PDZD2: variants seen among roughly 807,000 people sequenced by gnomAD.
PDZD2 encodes the protein PDZ domain containing 2.
Under a neutral mutation model 220.7 loss-of-function variants are expected in PDZD2, and 90 were observed. The observed-to-expected ratio is 0.41, with a 90% CI of 0.34 to 0.49. PDZD2 has a LOEUF of 0.49. PDZD2 is among the 20% of genes least tolerant of loss of function. The pLI, the probability that PDZD2 is intolerant of heterozygous loss-of-function variation, is 0.28. For missense variants in PDZD2, 3,174 were observed against 3,608.5 expected, an observed-to-expected ratio of 0.88 and a Z score of 3.08; for synonymous variants, 1,375 against 1,450.5, an observed-to-expected ratio of 0.95 and a Z score of 1.18.
intron 2 of PDZD2, among the ~76,000 whole-genome samples, chr5:31,838,553 A>G (rs1176722297): frequency 6.6e-6 from 1 of 152,232 alleles, no homozygotes; most frequent in Non-Finnish European, 1.5e-5. Context: ...AGTCATGTCA[A>G]TTTGCAGGTG....
intron 2 of PDZD2, among the ~76,000 whole-genome samples, chr5:31,969,976 G>A (rs1016812850): frequency 2.0e-5 from 3 of 151,688 alleles, no homozygotes; most frequent in Admixed American, 6.6e-5. Flanking sequence ...TCGGCTCACC[G>A]CAACTTCCGC....
chr5:31,658,008 C>G (rs1745616335), intron 1 of PDZD2, among the ~76,000 whole-genome samples: 2 of 152,210 alleles, frequency 1.3e-5, no homozygotes, highest in South Asian at 2.1e-4. Context: ...CCAACAAATT[C>G]TCTACACAAA....
intron 2 of PDZD2, among the ~76,000 whole-genome samples, chr5:31,890,213 G>C (rs1175371410): frequency 7.1e-6 from 1 of 141,280 alleles, no homozygotes; most frequent in African/African-American, 2.6e-5. Flanking sequence ...CTTAATGGGC[G>C]ATGGCGGTGT....
chr5:31,863,691 C>CT lies in PDZD2; in HGVS notation c.476+63969dup, dbSNP rs1737931502. 3.9e-5 allele frequency among the ~76,000 whole-genome samples: 6 copies of CT among 152,250 alleles called. No homozygotes were observed. The South Asian group carries it at 1.0e-3, about 26-fold the overall frequency. On this transcript the variant is annotated intron_variant, in intron 2 of 24. Coordinates refer to ENST00000438447, the MANE Select transcript of PDZD2 (RefSeq NM_178140.4). ...TTTTGTCTGGTTAGTGGGCTGTTGTCTTAACAGTTTCACTTGTCAGTCCCT... is the reference window on the plus strand; with the variant it reads ...TTTTGTCTGGTTAGTGGGCTGTTGTCTTTAACAGTTTCACTTGTCAGTCCCT...
chr5:31,953,748 A>G (rs1747390837), intron 2 of PDZD2, among the ~76,000 whole-genome samples: 1 of 150,362 alleles, frequency 6.7e-6, no homozygotes, highest in South Asian at 2.1e-4. Flanking sequence ...TCTGCCTCCC[A>G]GGTTGAAGCA....
At chr5:31,942,807 T>C (rs1746321249) in intron 2 of PDZD2, among the ~76,000 whole-genome samples, 1 of 152,196 alleles carries the variant, frequency 6.6e-6, no homozygotes, top group Admixed American at 6.5e-5. Context: ...CTCCCCAAGG[T>C]TGATGTGCTC....
chr5:31,846,490 A>C (rs1394043181), intron 2 of PDZD2, among the ~76,000 whole-genome samples: 2 of 152,194 alleles, frequency 1.3e-5, no homozygotes, highest in Admixed American at 1.3e-4. Context: ...GGAAAGAGAC[A>C]TGGGCATCTG....
At chr5:31,711,513 G>A (rs1335210630) in intron 1 of PDZD2, among the ~76,000 whole-genome samples, 6 of 152,218 alleles carry the variant, frequency 3.9e-5, no homozygotes, top group South Asian at 4.1e-4. Flanking sequence ...AAGCTGGAGC[G>A]TGTGCAAAAG....
At chr5:32,032,809 C>T (rs1380520192) in intron 6 of PDZD2, among the ~76,000 whole-genome samples, 1 of 152,142 alleles carries the variant, frequency 6.6e-6, no homozygotes, top group African/African-American at 2.4e-5. Flanking sequence ...GACTGACGTG[C>T]CTAAACTGCA....
intron 1 of PDZD2, among the ~76,000 whole-genome samples, chr5:31,735,638 A>G (rs1749814743): frequency 6.6e-6 from 1 of 152,008 alleles, no homozygotes; most frequent in Non-Finnish European, 1.5e-5. Flanking sequence ...CATCTCTACT[A>G]AAAATACAAA....
In PDZD2 at chr5:31,995,753, CT is replaced by C. The variant is rs770834345; in HGVS notation, c.1121+36del. 2.3e-5 allele frequency: 37 copies of C among 1,589,100 alleles called. 1 individual carries two copies. In the South Asian group the frequency reaches 4.2e-4, roughly 18 times the overall value. On this transcript the variant is annotated intron_variant, in intron 4 of 24. Transcript: ENST00000438447. ...TAACTCTCCCCTCTCCCCCATCCCTCTGCCTCCTCTCCTTCCCTCTCCCTCC... is the reference window on the plus strand; with the variant it reads ...TAACTCTCCCCTCTCCCCCATCCCTCGCCTCCTCTCCTTCCCTCTCCCTCC...
At chr5:31,886,678 T>TAGATTCTG (rs2150342880) in intron 2 of PDZD2, among the ~76,000 whole-genome samples, 1 of 108,794 alleles carries the variant, frequency 9.2e-6, no homozygotes, top group Admixed American at 9.4e-5. Context: ...CTGCATCAGG[T>TAGATTCTG]AGATTCTGCA....
intron 1 of PDZD2, among the ~76,000 whole-genome samples, chr5:31,734,462 G>T (rs1476858887): frequency 2.0e-5 from 3 of 152,074 alleles, no homozygotes; most frequent in Non-Finnish European, 4.4e-5. Context: ...TGGGATTACG[G>T]GCACCCGCCA....
At chr5:32,032,222 C>T (rs1291785418) in intron 6 of PDZD2, among the ~76,000 whole-genome samples, 1 of 152,152 alleles carries the variant, frequency 6.6e-6, no homozygotes, top group Non-Finnish European at 1.5e-5. Context: ...GTTCTGTTGG[C>T]CCAGGGCAGT....
At chr5:31,789,291 C>G (rs928020241) in intron 1 of PDZD2, among the ~76,000 whole-genome samples, 2 of 152,210 alleles carry the variant, frequency 1.3e-5, no homozygotes, top group Non-Finnish European at 2.9e-5. Context: ...ATGTCCACTC[C>G]TCTCTGAAGG....
intron 4 of PDZD2, among the ~76,000 whole-genome samples, chr5:31,997,525 T>G (rs1216529178): frequency 6.6e-6 from 1 of 152,210 alleles, no homozygotes; most frequent in Non-Finnish European, 1.5e-5. Flanking sequence ...ACTTCCAAAA[T>G]GACATATGTT....
intron 2 of PDZD2, among the ~76,000 whole-genome samples, chr5:31,967,991 C>T (rs12109866): frequency 0.51 from 78,195 of 151,986 alleles, 20,788 homozygotes; most frequent in Middle Eastern, 0.61. Context: ...TATTAGCATA[C>T]ACAACTGCTA....
intron 1 of PDZD2, among the ~76,000 whole-genome samples, chr5:31,672,373 C>T (rs974655038): frequency 6.6e-6 from 1 of 152,190 alleles, no homozygotes; most frequent in Non-Finnish European, 1.5e-5. Context: ...GGGTGGTATG[C>T]TTTGGCTGGA....
intron 2 of PDZD2, among the ~76,000 whole-genome samples, chr5:31,962,034 T>C (rs1441640408): frequency 6.6e-6 from 1 of 152,236 alleles, no homozygotes; most frequent in African/African-American, 2.4e-5. Flanking sequence ...AGGGTATCAA[T>C]AGTCTCTGAT....
Sources: allele counts gnomAD v4.1 joint callset (sites outside exome capture counted in the v4.1 genomes callset), GRCh38; gene constraint gnomAD v4.1.1; transcripts MANE v1.5; gene names NCBI Gene and HGNC (gene_info 2026-07-23, HGNC 2026-07-21).